PAX2: variants seen among roughly 807,000 people sequenced by gnomAD.
The protein encoded by PAX2 is paired box protein Pax-2.
A neutral mutation model predicts 41.7 loss-of-function variants in PAX2; 9 were observed. The ratio of observed to expected loss-of-function variants is 0.22; its 90% CI spans 0.13 to 0.38. The LOEUF (loss-of-function observed/expected upper bound fraction) is 0.38. PAX2 is among the 10% of genes least tolerant of loss of function. PAX2 has a pLI of 1.00. For missense variants in PAX2, 418 were observed against 531.6 expected (o/e 0.79, Z 2.10); for synonymous variants, 221 against 212.7 (o/e 1.04, Z -0.34).
At chr10:100,798,104 CTTTTTTTTTTT>C (rs11314855) in intron 5 of PAX2, among the ~76,000 whole-genome samples, 2 of 86,536 alleles carry the variant, frequency 2.3e-5, no homozygotes, top group Non-Finnish European at 4.4e-5. Flanking sequence ...ATGTCCACCT[CTTTTTTTTTTT>C]TTTTTTTTTT....
At chr10:100,752,231 A>G (rs1845468858) in intron 3 of PAX2, among the ~76,000 whole-genome samples, 1 of 152,204 alleles carries the variant, frequency 6.6e-6, no homozygotes, top group Non-Finnish European at 1.5e-5. Flanking sequence ...CATAATACTG[A>G]TCAGCTAATT....
At chr10:100,786,964 C>T (rs772381463) in intron 5 of PAX2, 3 of 1,389,558 alleles carry the variant, frequency 2.2e-6, no homozygotes, top group Non-Finnish European at 2.9e-6. Context: ...ACTGATCCTG[C>T]CCACATTAGA....
chr10:100,800,119 C>A (rs1455051494), intron 5 of PAX2, among the ~76,000 whole-genome samples: 3 of 152,104 alleles, frequency 2.0e-5, no homozygotes, highest in Non-Finnish European at 2.9e-5. Context: ...TACTTAAATT[C>A]TTCTCAAATA....
At chr10:100,792,444 C>A (rs1003195778) in intron 5 of PAX2, among the ~76,000 whole-genome samples, 7 of 152,228 alleles carry the variant, frequency 4.6e-5, no homozygotes, top group Non-Finnish European at 8.8e-5. Context: ...CTGCGACATA[C>A]CTCAGCTGGG....
chr10:100,767,136 A>G (rs1205952160), intron 3 of PAX2, among the ~76,000 whole-genome samples: 2 of 152,190 alleles, frequency 1.3e-5, no homozygotes, highest in Non-Finnish European at 2.9e-5. Context: ...TCCCATAGGC[A>G]CACCCATACC....
intron 7 of PAX2, among the ~76,000 whole-genome samples, chr10:100,816,475 T>C (rs937257717): frequency 2.6e-5 from 4 of 152,246 alleles, no homozygotes; most frequent in African/African-American, 9.6e-5. Flanking sequence ...ATTTTTTGAA[T>C]GACCGGAAAT....
intron 3 of PAX2, among the ~76,000 whole-genome samples, chr10:100,777,758 G>A (rs990782670): frequency 1.4e-4 from 21 of 152,224 alleles, no homozygotes; most frequent in African/African-American, 5.1e-4. Flanking sequence ...TTTGCAAAAT[G>A]AGGATAATAG....
chr10:100,813,090 A>G (rs1191036648), intron 7 of PAX2, among the ~76,000 whole-genome samples: 2 of 152,270 alleles, frequency 1.3e-5, no homozygotes. Context: ...GCACTGGACC[A>G]CATTCAAAGC....
At chr10:100,788,782 C>T (rs769112583) in intron 5 of PAX2, among the ~76,000 whole-genome samples, 1 of 151,994 alleles carries the variant, frequency 6.6e-6, no homozygotes, top group Non-Finnish European at 1.5e-5. Context: ...GGAGACTTGG[C>T]GAGGTTGCAC....
rs1240449853 is a variant in PAX2 at position 100,748,675 on chromosome 10, C to T, written c.44-1071C>T. On this transcript the variant is annotated intron_variant, in intron 1 of 9. Transcript: ENST00000355243. The surrounding 1 kb of genome is among the most constrained non-coding windows in gnomAD (Gnocchi z 5.0). ...ACAGGAAGCACCCTCAGGCCTGGCA[C>T]CCAGTGGCCGCCTCGGTTCCGAGAT... is the stretch of plus-strand genomic sequence containing the variant. 2.0e-6 allele frequency: 2 copies of T among 985,458 alleles called. No individual in the cohort carries two copies. Among genetic ancestry groups the T allele is most frequent in the Non-Finnish European group, 2.4e-6 (2 of 829,922 alleles). The allele number at this position is 985,458 out of a possible 1,614,324, so 61.0% of individuals were successfully genotyped here. A position where few individuals can be genotyped will look rare whatever the true frequency, so the allele number is the denominator to read the frequency against.
intron 5 of PAX2, among the ~76,000 whole-genome samples, chr10:100,801,830 T>C (rs1254965709): frequency 6.6e-6 from 1 of 152,258 alleles, no homozygotes; most frequent in Non-Finnish European, 1.5e-5. Flanking sequence ...GAGGGCAAGC[T>C]CTGTACTCCG....
chr10:100,748,326 T>G lies in PAX2; in HGVS notation c.44-1420T>G. 1.0e-6 allele frequency: 1 copy of G among 983,260 alleles called. No homozygotes were observed. The highest frequency in any genetic ancestry group is 1.2e-6 in the Non-Finnish European group (1 of 829,038). 60.9% of individuals were successfully genotyped at this position (983,260 alleles called of 1,614,324 possible). A position where few individuals can be genotyped will look rare whatever the true frequency, so the allele number is the denominator to read the frequency against. The stretch of plus-strand genomic sequence containing the variant: ...GAAGTGGGGCTAGAGATAGGGAGAT[T>G]AACGGGGTGGGCAAGGGGGTAAAAG... On this transcript the variant is annotated intron_variant, in intron 1 of 9. Coordinates refer to ENST00000355243, the MANE Select transcript of PAX2 (RefSeq NM_000278.5). This position sits in a 1 kb window ranked among gnomAD's most constrained non-coding sequence, Gnocchi z 5.0.
intron 5 of PAX2, among the ~76,000 whole-genome samples, chr10:100,781,954 G>T (rs1022050768): frequency 2.6e-5 from 4 of 152,192 alleles, no homozygotes; most frequent in African/African-American, 9.7e-5. Flanking sequence ...CTGTTAGGAA[G>T]GGTGTCAAAG....
chr10:100,824,775 A>T lies in PAX2; in HGVS notation c.1021+26A>T. 1 of 1,539,790 alleles carries T rather than the reference A, an allele frequency of 6.5e-7. No individual in the cohort carries two copies. The highest frequency in any genetic ancestry group is 9.0e-7 in the Non-Finnish European group (1 of 1,112,394). On this transcript the variant is annotated intron_variant, in intron 8 of 9. Transcript: ENST00000355243. This position sits in a 1 kb window ranked among gnomAD's most constrained non-coding sequence, Gnocchi z 6.6. ...GTAGGTGACAATGCTGCAGCTGCCT[A>T]ATCTAGGTGGGGGGAACTAAATTGT...
chr10:100,738,983 G>C (rs74152635), intron 1 of PAX2, among the ~76,000 whole-genome samples: 335 of 150,788 alleles, frequency 2.2e-3, no homozygotes, highest in African/African-American at 7.8e-3. Context: ...CCCTTTCCCC[G>C]AGGGCCTAAT....
intron 6 of PAX2, among the ~76,000 whole-genome samples, chr10:100,807,833 G>A (rs968853685): frequency 1.3e-5 from 2 of 152,216 alleles, no homozygotes; most frequent in African/African-American, 2.4e-5. Context: ...GCCCCACAGC[G>A]TTGAACGCTG....
At chr10:100,821,024 T>A (rs1252611050) in intron 7 of PAX2, among the ~76,000 whole-genome samples, 2 of 152,258 alleles carry the variant, frequency 1.3e-5, no homozygotes, top group Non-Finnish European at 2.9e-5. Flanking sequence ...TGTTTTTCCA[T>A]CCATCTATAG....
chr10:100,809,183 A>G lies in PAX2; in HGVS notation c.866A>G (p.Asn289Ser). Residue 289 changes from asparagine to serine, a missense_variant, in exon 7 of 10, where the codon AAC becomes AGC. Asn to Ser is a conservative substitution (Grantham distance 46). Around this residue, in one of 2 missense-constraint regions of PAX2, gnomAD observed 310 missense variants for 325.2 expected, o/e 0.95. Transcript: ENST00000355243. ...AAGTCGAGTCTATCTGCATCCACCAACCCTGAGCTGGGCAGCAACGTGTCA... is the reference window on the plus strand; with the variant it reads ...AAGTCGAGTCTATCTGCATCCACCAGCCCTGAGCTGGGCAGCAACGTGTCA... ...EVKSSLSAST[N>S]PELGSNVSGT... is the part of the protein sequence containing the mutation. 1 of 1,613,552 alleles carries G rather than the reference A, an allele frequency of 6.2e-7. No individual in the cohort carries two copies. The highest frequency in any genetic ancestry group is 1.6e-4 in the Middle Eastern group (1 of 6,062).
At chr10:100,789,983 G>A (rs1371036471) in intron 5 of PAX2, among the ~76,000 whole-genome samples, 2 of 152,186 alleles carry the variant, frequency 1.3e-5, no homozygotes, top group Admixed American at 1.3e-4. Context: ...AAGTACAGGG[G>A]TTTAGCCCTG....
Sources: allele counts gnomAD v4.1 joint callset (sites outside exome capture counted in the v4.1 genomes callset), GRCh38; gene constraint gnomAD v4.1.1; regional missense constraint gnomAD v4.1.1; non-coding constraint Gnocchi (gnomAD v3.1); transcripts MANE v1.5; gene names NCBI Gene and HGNC (gene_info 2026-07-23, HGNC 2026-07-21).